ABCA4: variants seen among roughly 807,000 people sequenced by gnomAD.
The protein encoded by ABCA4 is ATP binding cassette subfamily A member 4.
In ABCA4, 196 loss-of-function variants were observed where a neutral mutation model predicts 263.7. The ratio of observed to expected loss-of-function variants is 0.74; its 90% CI spans 0.66 to 0.84. The LOEUF is 0.84. Ranked by LOEUF, ABCA4 falls within the 40% of genes least tolerant of loss-of-function variation. The pLI is 0.00. For missense variants in ABCA4, 2,792 were observed against 2,855.1 expected (o/e 0.98, Z 0.50); for synonymous variants, 1,133 against 1,094.2 (o/e 1.04, Z -0.70).
At chr1:94,005,373 A>C in intron 44 of ABCA4, 68 bp downstream of exon 44, 8 of 1,549,988 alleles carry the variant, frequency 5.2e-6, no homozygotes, top group Middle Eastern at 1.7e-4. Flanking sequence ...CTCCAAGAGA[A>C]TGCACTCTCA....
chr1:94,107,017 C>A (rs1345311043), intron 4 of ABCA4, among the ~76,000 whole-genome samples: 1 of 152,220 alleles, frequency 6.6e-6, no homozygotes, highest in Non-Finnish European at 1.5e-5. Flanking sequence ...TGAAGGTCGA[C>A]TGAATGTTGA....
chr1:94,015,223 C>T (rs1659695380), intron 37 of ABCA4, among the ~76,000 whole-genome samples: 1 of 152,192 alleles, frequency 6.6e-6, no homozygotes, highest in Non-Finnish European at 1.5e-5. Flanking sequence ...ATGAATTACT[C>T]ATTCAAATTT....
At chr1:94,005,084 C>A (rs1659334864) in intron 44 of ABCA4, among the ~76,000 whole-genome samples, 1 of 152,244 alleles carries the variant, frequency 6.6e-6, no homozygotes, top group South Asian at 2.1e-4. Flanking sequence ...ATTTAGGTAA[C>A]TTCCAGCATT....
intron 4 of ABCA4, among the ~76,000 whole-genome samples, chr1:94,104,263 G>C (rs1340464445): frequency 6.6e-6 from 1 of 152,160 alleles, no homozygotes; most frequent in Non-Finnish European, 1.5e-5. Context: ...TCAACACAAA[G>C]GGAAAGCACT....
At chr1:94,043,992 T>C (rs1193531359) in intron 20 of ABCA4, among the ~76,000 whole-genome samples, 1 of 151,856 alleles carries the variant, frequency 6.6e-6, no homozygotes, top group African/African-American at 2.4e-5. Context: ...CCTCCCTCCT[T>C]CCCTTTCCTT....
chr1:94,111,417 G>C lies in ABCA4; in HGVS notation c.302+21C>G, dbSNP rs202113648. On this transcript the variant is annotated intron_variant, in intron 3 of 49. Coordinates refer to ENST00000370225, the MANE Select transcript of ABCA4 (RefSeq NM_000350.3). The stretch of plus-strand genomic sequence containing the variant: ...GGGTGTGCAACTTCCTCCCCTGCAT[G>C]GTAGGGATCTCAACACTTACATGGA... 6.4e-5 allele frequency: 104 copies of C among 1,613,336 alleles called. No homozygotes were observed. In the African/African-American group the frequency reaches 1.1e-3, roughly 18 times the overall value.
At chr1:94,077,217 C>A (rs116450316) in intron 11 of ABCA4, among the ~76,000 whole-genome samples, 1 of 152,078 alleles carries the variant, frequency 6.6e-6, no homozygotes, top group Non-Finnish European at 1.5e-5. Flanking sequence ...ATGCTGAGGA[C>A]GTTAATTAGG....
At chr1:94,017,828 T>G (rs192467140) in intron 36 of ABCA4, among the ~76,000 whole-genome samples, 32 of 152,324 alleles carry the variant, frequency 2.1e-4, no homozygotes, top group Admixed American at 1.7e-3. Flanking sequence ...ACTTGTGACT[T>G]TTCCATAAGT....
chr1:94,051,752 C>T lies in ABCA4; in HGVS notation c.2588-54G>A, dbSNP rs1028615551. ...AGTCGAAGGAGTCTCCCTATCCTACCTTACCGCAGTTCTATAAGATCTAGA... is the reference window on the plus strand; with the variant it reads ...AGTCGAAGGAGTCTCCCTATCCTACTTTACCGCAGTTCTATAAGATCTAGA... On this transcript the variant is annotated intron_variant, in intron 16 of 49. Coordinates refer to ENST00000370225, the MANE Select transcript of ABCA4 (RefSeq NM_000350.3). 12 of 1,333,334 alleles carry T rather than the reference C, an allele frequency of 9.0e-6. No individual in the cohort carries two copies. The African/African-American group carries it at 1.3e-4, about 14-fold the overall frequency. The allele number at this position is 1,333,334 out of a possible 1,614,324, so 82.6% of individuals were successfully genotyped here. A position where few individuals can be genotyped will look rare whatever the true frequency, so the allele number is the denominator to read the frequency against.
chr1:94,072,638 T>C (rs952734256), intron 11 of ABCA4, among the ~76,000 whole-genome samples: 3 of 152,148 alleles, frequency 2.0e-5, no homozygotes, highest in Non-Finnish European at 2.9e-5. Context: ...TATAAATGAA[T>C]ACACATACCA....
Position 94,079,317 on chromosome 1 carries a change from C to G in ABCA4, c.1239+5G>C, listed in dbSNP as rs1261071593. ...TACACAAGGCAAGCCCAGCTGGGAT[C>G]TTACATTCTTCAGTATCCTTCGTGC... On this transcript the variant is annotated splice_donor_5th_base_variant and intron_variant, in intron 9 of 49. Coordinates refer to ENST00000370225, the MANE Select transcript of ABCA4 (RefSeq NM_000350.3). 3.7e-6 allele frequency: 6 copies of G among 1,614,156 alleles called. No homozygotes were observed. The South Asian group carries it at 6.6e-5, about 18-fold the overall frequency.
At chr1:94,056,511 C>T (rs1660981108) in intron 15 of ABCA4, 90 bp downstream of exon 15, 1 of 1,372,100 alleles carries the variant, frequency 7.3e-7, no homozygotes, top group East Asian at 2.4e-5. Flanking sequence ...CAAAGTGGAC[C>T]CCCTCAGAGG....
intron 14 of ABCA4, among the ~76,000 whole-genome samples, chr1:94,060,230 A>G (rs1408284829): frequency 6.6e-6 from 1 of 152,202 alleles, no homozygotes; most frequent in African/African-American, 2.4e-5. Flanking sequence ...TAATTACACT[A>G]TCACCCTGTG....
intron 5 of ABCA4, among the ~76,000 whole-genome samples, chr1:94,099,737 CAATT>C (rs1662237183): frequency 6.6e-6 from 1 of 152,170 alleles, no homozygotes. Flanking sequence ...GAATAGAACA[CAATT>C]ATTTGAAAAA....
chr1:94,001,031 T>C lies in ABCA4; in HGVS notation c.6357A>G (p.Glu2119=), dbSNP rs773146370. 30 of 1,614,066 alleles carry C rather than the reference T, an allele frequency of 1.9e-5. No homozygotes were observed. The highest frequency in any genetic ancestry group is 7.6e-6 in the Non-Finnish European group (9 of 1,180,036). ...GGGATGTGAGGACCACAGCCCTCCC[T>C]TCTCTGATGATGCTCACGATGACGT... is the stretch of plus-strand genomic sequence containing the variant. ...LWNVIVSIIR[E]GRAVVLTSHS... The change falls in exon 46 of 50, where the codon GAA becomes GAG. Residue 2119 remains glutamate, a synonymous_variant. Coordinates refer to ENST00000370225, the MANE Select transcript of ABCA4 (RefSeq NM_000350.3).
At chr1:94,047,704 G>T (rs996524720) in intron 18 of ABCA4, among the ~76,000 whole-genome samples, 3 of 152,154 alleles carry the variant, frequency 2.0e-5, no homozygotes, top group South Asian at 2.1e-4. Flanking sequence ...TTTGACTAAG[G>T]CTTCTTGCTC....
intron 6 of ABCA4, among the ~76,000 whole-genome samples, chr1:94,090,220 A>G (rs1661935137): frequency 6.6e-6 from 1 of 152,240 alleles, no homozygotes; most frequent in Non-Finnish European, 1.5e-5. Context: ...GTATGATAAA[A>G]CAGTGTTGAA....
chr1:94,060,886 C>T (rs759083643), intron 13 of ABCA4, 127 bp from the exon 14 acceptor site: 5 of 782,804 alleles, frequency 6.4e-6, no homozygotes, highest in Admixed American at 4.1e-5. Context: ...AGGAAAACCT[C>T]CCCTGGACAT....
At chr1:94,010,709 G>A (rs775389517) in intron 40 of ABCA4, 91 bp downstream of exon 40, 47 of 1,573,108 alleles carry the variant, frequency 3.0e-5, no homozygotes, top group Non-Finnish European at 4.1e-5. Context: ...GTGGAGTGGG[G>A]CTCCTGAGGA....
Sources: gnomAD v4.1 joint callset for allele counts (sites outside exome capture counted in the v4.1 genomes callset) on GRCh38, gnomAD v4.1.1 for gene constraint, MANE v1.5 for transcripts, NCBI Gene and HGNC (gene_info 2026-07-23, HGNC 2026-07-21) for gene names.